Variants in RNF144A observed in about 807,000 individuals in gnomAD.
The protein encoded by RNF144A is E3 ubiquitin-protein ligase RNF144A.
RNF144A carries 11 observed loss-of-function variants against 38.7 expected under a neutral mutation model. That is an observed-to-expected ratio of 0.28 (90% CI 0.18 to 0.47). The LOEUF (loss-of-function observed/expected upper bound fraction) is 0.47, where lower values mean the gene tolerates loss of function less well. Ranked by LOEUF, RNF144A falls within the 20% of genes least tolerant of loss-of-function variation. The pLI is 0.99. For synonymous variants in RNF144A, 149 were observed against 143.9 expected, an observed-to-expected ratio of 1.04 and a Z score of -0.25; for missense variants, 316 against 377.2, an observed-to-expected ratio of 0.84 and a Z score of 1.34.
downstream of RNF144A, chr2:7,044,196 C>T (rs1673211389): frequency 1.0e-6 from 1 of 985,330 alleles, no homozygotes. Context: ...GTGGCTCCGT[C>T]TTTTGTAGAT....
chr2:6,972,664 C>T (rs1038409968), intron 2 of RNF144A, among the ~76,000 whole-genome samples: 3 of 152,126 alleles, frequency 2.0e-5, no homozygotes, highest in Admixed American at 1.3e-4. Flanking sequence ...CCATAGCTAA[C>T]AAGGCTGCCA....
chr2:7,007,447 T>C (rs1163653376), intron 3 of RNF144A, among the ~76,000 whole-genome samples: 1 of 152,218 alleles, frequency 6.6e-6, no homozygotes, highest in Non-Finnish European at 1.5e-5. Flanking sequence ...AGCGCGTCTG[T>C]GCATGTGTCC....
Position 7,061,817 on chromosome 2 carries a change from G to A in RNF144A, c.735-6399G>A, listed in dbSNP as rs544254445. Among the ~76,000 whole-genome samples the A allele has an allele frequency of 1.3e-3, 199 of 152,206 alleles. 1 individual carries two copies. The highest frequency in any genetic ancestry group is 4.6e-3 in the African/African-American group (193 of 41,532). On this transcript the variant is annotated intron_variant, in intron 6 of 6. Coordinates refer to the RNF144A transcript ENST00000432850. ...GAATACTTTGTTGAGTGCTTATTAT[G>A]TTCTTTAGATATATTATATGATAGA...
intron 3 of RNF144A, among the ~76,000 whole-genome samples, chr2:7,009,008 T>C (rs1014317689): frequency 6.6e-6 from 1 of 152,236 alleles, no homozygotes; most frequent in African/African-American, 2.4e-5. Flanking sequence ...ACTGAGCATC[T>C]ACAGTCACCA....
At chr2:7,014,625 T>C in intron 4 of RNF144A, 67 bp downstream of exon 4, 2 of 1,522,252 alleles carry the variant, frequency 1.3e-6, no homozygotes, top group South Asian at 2.3e-5. Flanking sequence ...CTTGTCAGAA[T>C]AACGTGGGTT....
At chr2:6,982,097 C>T (rs765875931) in intron 2 of RNF144A, among the ~76,000 whole-genome samples, 2 of 152,162 alleles carry the variant, frequency 1.3e-5, no homozygotes, top group African/African-American at 4.8e-5. Context: ...CCCCATGATC[C>T]AGTCGCCTCC....
At chr2:7,034,583 C>T (rs753982833) in intron 8 of RNF144A, among the ~76,000 whole-genome samples, 1 of 152,232 alleles carries the variant, frequency 6.6e-6, no homozygotes, top group Non-Finnish European at 1.5e-5. Flanking sequence ...CTGTGAAGGA[C>T]ACCTGGTAGC....
chr2:7,043,796 A>G lies in RNF144A; in HGVS notation c.*4036A>G. 1.0e-6 allele frequency: 1 copy of G among 985,874 alleles called. No homozygotes were observed. Among genetic ancestry groups the G allele is most frequent in the Non-Finnish European group, 1.2e-6 (1 of 829,938 alleles). 61.1% of individuals were successfully genotyped at this position (985,874 alleles called of 1,614,324 possible). Reference sequence around the variant, plus strand: ...GGAGCCTTCAGTGAGGGGTAGCTACATGCCCCATGCCTGCCCTTTCTTTCC... The same window carrying G: ...GGAGCCTTCAGTGAGGGGTAGCTACGTGCCCCATGCCTGCCCTTTCTTTCC... On this transcript the variant is annotated 3_prime_UTR_variant, in exon 9 of 9. Coordinates refer to ENST00000320892, the MANE Select transcript of RNF144A (RefSeq NM_014746.6).
intron 2 of RNF144A, among the ~76,000 whole-genome samples, chr2:6,942,137 A>G (rs1056768507): frequency 2.0e-5 from 3 of 152,258 alleles, no homozygotes; most frequent in African/African-American, 7.2e-5. Flanking sequence ...GGACAAGGCT[A>G]CAGTCCAGGA....
chr2:7,032,243 C>T (rs1311762444), intron 8 of RNF144A, among the ~76,000 whole-genome samples: 1 of 150,014 alleles, frequency 6.7e-6, no homozygotes, highest in African/African-American at 2.5e-5. Flanking sequence ...TGCTGGAATC[C>T]GCGCCCCTTG....
At position 7,027,968 on chromosome 2, in the gene RNF144A, G is replaced by A. The variant is rs965614054; in HGVS notation, c.658-2158G>A. The stretch of plus-strand genomic sequence containing the variant: ...CTCCGTTGGACCCCATGCGGGTCTG[G>A]TGAGATGAGGGTGGGGGGCGGGGTG... On this transcript the variant is annotated intron_variant, in intron 7 of 8. Transcript: ENST00000320892. Among the ~76,000 whole-genome samples the A allele has an allele frequency of 8.3e-5, 11 of 132,494 alleles. No individual in the cohort carries two copies. The East Asian group carries it at 3.0e-3, about 36-fold the overall frequency. The allele number at this position is 132,494 out of a possible 152,430, so 86.9% of individuals were successfully genotyped here. A position where few individuals can be genotyped will look rare whatever the true frequency, so the allele number is the denominator to read the frequency against.
chr2:6,941,442 T>A lies in RNF144A; in HGVS notation c.-12+295T>A, dbSNP rs1377451508. On this transcript the variant is annotated intron_variant, in intron 2 of 8. Transcript: ENST00000320892. The surrounding 1 kb of genome is among the most constrained non-coding windows in gnomAD (Gnocchi z 6.5). ...GTCTCCTGTTTTAGATCTCCCTGAT[T>A]CACTAGAGAACACGTGGATTGAGCT... 6.6e-6 allele frequency among the ~76,000 whole-genome samples: 1 copy of A among 152,248 alleles called. No homozygotes were observed. Among genetic ancestry groups the A allele is most frequent in the Non-Finnish European group, 1.5e-5 (1 of 68,042 alleles).
At chr2:6,926,605 T>C (rs768452698) in intron 1 of RNF144A, among the ~76,000 whole-genome samples, 2 of 152,160 alleles carry the variant, frequency 1.3e-5, no homozygotes, top group East Asian at 3.9e-4. Flanking sequence ...GTGGGTACAG[T>C]GTGGGCTGGG....
chr2:7,056,173 G>A (rs1360055877), intron 6 of RNF144A, among the ~76,000 whole-genome samples: 1 of 152,144 alleles, frequency 6.6e-6, no homozygotes, highest in Non-Finnish European at 1.5e-5. Flanking sequence ...CACTAGCCAG[G>A]TGGAGGAAAG....
At position 6,993,634 on chromosome 2, in the gene RNF144A, G is replaced by T. The variant is rs533243478; in HGVS notation, c.-11-3282G>T. On this transcript the variant is annotated intron_variant, in intron 2 of 8. Coordinates refer to ENST00000320892, the MANE Select transcript of RNF144A (RefSeq NM_014746.6). ...CGGTTAAGCTCTGCCTCTGGGTAAT[G>T]CGTTCTCGGGTGATGTCCAGGCTGG... Among the ~76,000 whole-genome samples the T allele has an allele frequency of 1.4e-4, 21 of 152,268 alleles. No individual in the cohort carries two copies. The East Asian group carries it at 3.9e-3, about 28-fold the overall frequency.
chr2:6,955,625 T>G (rs2103321085), intron 2 of RNF144A, among the ~76,000 whole-genome samples: 1 of 152,290 alleles, frequency 6.6e-6, no homozygotes, highest in East Asian at 1.9e-4. Context: ...CATCACTGTG[T>G]CTAGATGTTT....
At chr2:6,918,977 G>A (rs572207624) in intron 1 of RNF144A, among the ~76,000 whole-genome samples, 12 of 152,296 alleles carry the variant, frequency 7.9e-5, no homozygotes, top group South Asian at 2.1e-4. Flanking sequence ...GAGATGGAAG[G>A]AGGACATGCC....
At chr2:6,965,962 C>A (rs961381268) in intron 2 of RNF144A, among the ~76,000 whole-genome samples, 1 of 152,130 alleles carries the variant, frequency 6.6e-6, no homozygotes, top group Non-Finnish European at 1.5e-5. Flanking sequence ...GCTCCTCACC[C>A]CCACAACACA....
intron 3 of RNF144A, among the ~76,000 whole-genome samples, chr2:7,002,779 G>C (rs1251420321): frequency 6.6e-6 from 1 of 152,140 alleles, no homozygotes; most frequent in African/African-American, 2.4e-5. Context: ...AAAAATAAGA[G>C]AGGTGTGGAA....
Sources: allele counts gnomAD v4.1 joint callset (sites outside exome capture counted in the v4.1 genomes callset), GRCh38; gene constraint gnomAD v4.1.1; non-coding constraint Gnocchi (gnomAD v3.1); transcripts MANE v1.5; gene names NCBI Gene and HGNC (gene_info 2026-07-23, HGNC 2026-07-21).